TEC: variants seen among roughly 807,000 people sequenced by gnomAD.
The protein encoded by TEC is tyrosine-protein kinase Tec.
Under a neutral mutation model 93.0 loss-of-function variants are expected in TEC, and 72 were observed. The ratio of observed to expected loss-of-function variants is 0.77; its 90% CI spans 0.64 to 0.94. The LOEUF is 0.94. TEC is among the 40% of genes least tolerant of loss of function. The probability of loss-of-function intolerance (pLI) is 0.00; values close to 1 mark genes in which losing one functional copy is unlikely to be tolerated. For synonymous variants in TEC, 249 were observed against 247.7 expected, an observed-to-expected ratio of 1.01 and a Z score of -0.05; for missense variants, 630 against 757.9, an observed-to-expected ratio of 0.83 and a Z score of 1.98.
intron 2 of TEC, among the ~76,000 whole-genome samples, chr4:48,188,487 T>C (rs541690426): frequency 6.6e-6 from 1 of 152,288 alleles, no homozygotes; most frequent in East Asian, 1.9e-4. Flanking sequence ...TTTTCCATGC[T>C]CACTGCCAAC....
intron 8 of TEC, among the ~76,000 whole-genome samples, chr4:48,162,726 T>C (rs1170330716): frequency 2.6e-5 from 4 of 152,220 alleles, no homozygotes; most frequent in Admixed American, 1.3e-4. Flanking sequence ...GGTACACTTA[T>C]GGTATAGCAA....
At chr4:48,167,272 T>C (rs755595325) in intron 7 of TEC, among the ~76,000 whole-genome samples, 20 of 151,992 alleles carry the variant, frequency 1.3e-4, no homozygotes, top group Non-Finnish European at 2.2e-4. Context: ...TACACACATA[T>C]AGACACACAC....
chr4:48,256,039 C>CT (rs1724331668), intron 1 of TEC, among the ~76,000 whole-genome samples: 1 of 152,152 alleles, frequency 6.6e-6, no homozygotes, highest in Non-Finnish European at 1.5e-5. Context: ...CTATTGTGCA[C>CT]TAAGCACTGG....
At chr4:48,152,385 C>T (rs1043629281) in intron 9 of TEC, among the ~76,000 whole-genome samples, 1 of 151,864 alleles carries the variant, frequency 6.6e-6, no homozygotes, top group African/African-American at 2.4e-5. Flanking sequence ...TTGCAGTAAG[C>T]TGAGATCATA....
intron 2 of TEC, among the ~76,000 whole-genome samples, chr4:48,208,569 C>T (rs1201853073): frequency 6.6e-6 from 1 of 152,086 alleles, no homozygotes; most frequent in Non-Finnish European, 1.5e-5. Flanking sequence ...AGCAATAAAG[C>T]ATTTCCCACC....
At chr4:48,177,181 G>C (rs1721366008) in intron 2 of TEC, among the ~76,000 whole-genome samples, 1 of 152,132 alleles carries the variant, frequency 6.6e-6, no homozygotes, top group Admixed American at 6.5e-5. Context: ...AAATCTAAAA[G>C]AAGACAAAGC....
rs558675260 is a variant in TEC, at chr4:48,191,080, G to T, written c.139-14894C>A. On this transcript the variant is annotated intron_variant, in intron 2 of 17. Coordinates refer to ENST00000381501, the MANE Select transcript of TEC (RefSeq NM_003215.3). ...AGCTGTGCTTAAATGCCAGCTCTGT[G>T]GCCCCATGCAAATTAAATAACCTCT... 5.3e-4 allele frequency among the ~76,000 whole-genome samples: 81 copies of T among 152,256 alleles called. No homozygotes were observed. In the East Asian group the frequency reaches 0.015, roughly 28 times the overall value.
intron 9 of TEC, among the ~76,000 whole-genome samples, chr4:48,156,376 CAT>C (rs1039731043): frequency 5.9e-5 from 9 of 152,200 alleles, no homozygotes; most frequent in African/African-American, 2.2e-4. Flanking sequence ...TCCAGCTGCA[CAT>C]GTTTCACCCT....
At chr4:48,196,181 T>G (rs1722296264) in intron 2 of TEC, among the ~76,000 whole-genome samples, 1 of 152,126 alleles carries the variant, frequency 6.6e-6, no homozygotes, top group African/African-American at 2.4e-5. Context: ...GCATGCAAGT[T>G]AGTAGACTGA....
rs899332666 is a variant in TEC, at chr4:48,171,303, T to A, written c.325+65A>T. ...AATAGATACATTAGCTGTATTTCTG[T>A]CTTAATGATAACAATATTACATCTC... On this transcript the variant is annotated intron_variant, in intron 4 of 17. Transcript: ENST00000381501. The A allele has an allele frequency of 2.3e-6, 3 of 1,328,184 alleles. No homozygotes were observed. In the African/African-American group the frequency reaches 4.4e-5, roughly 19 times the overall value. 82.3% of individuals were successfully genotyped at this position (1,328,184 alleles called of 1,614,324 possible).
intron 1 of TEC, among the ~76,000 whole-genome samples, chr4:48,259,106 T>C (rs1299656607): frequency 6.6e-6 from 1 of 152,212 alleles, no homozygotes; most frequent in Non-Finnish European, 1.5e-5. Context: ...ATCTCCTTGT[T>C]CATGACTGTG....
chr4:48,249,281 G>C (rs147240563), intron 1 of TEC, among the ~76,000 whole-genome samples: 27 of 152,308 alleles, frequency 1.8e-4, no homozygotes, highest in Non-Finnish European at 2.4e-4. Flanking sequence ...CCTGGGCTGA[G>C]CTAAATAGGT....
intron 2 of TEC, 56 bp from the exon 3 acceptor site, chr4:48,176,242 A>C: frequency 2.9e-6 from 4 of 1,358,210 alleles, no homozygotes; most frequent in Non-Finnish European, 4.1e-6. Context: ...AAAAATTAAC[A>C]GTAATATTGT....
At chr4:48,196,841 TA>T (rs2109589406) in intron 2 of TEC, among the ~76,000 whole-genome samples, 1 of 152,342 alleles carries the variant, frequency 6.6e-6, no homozygotes, top group South Asian at 2.1e-4. Flanking sequence ...ATTCTGTTTT[TA>T]AAATGACGGT....
chr4:48,244,189 A>C (rs574808954), intron 1 of TEC, among the ~76,000 whole-genome samples: 1 of 152,328 alleles, frequency 6.6e-6, no homozygotes, highest in South Asian at 2.1e-4. Flanking sequence ...CCCCACACTC[A>C]ATCCACATAT....
intron 2 of TEC, among the ~76,000 whole-genome samples, chr4:48,199,451 C>CTTTTTTTTTTTT (rs1560404992): frequency 1.3e-5 from 1 of 74,292 alleles, no homozygotes; most frequent in Non-Finnish European, 2.8e-5. Flanking sequence ...AAAGGATTTT[C>CTTTTTTTTTTTT]TTTCTTTTTT....
intron 1 of TEC, among the ~76,000 whole-genome samples, chr4:48,233,802 T>C (rs2109646718): frequency 6.8e-6 from 1 of 147,244 alleles, no homozygotes; most frequent in African/African-American, 2.5e-5. Flanking sequence ...GAACATAAAA[T>C]TGAGAAACTC....
At chr4:48,191,943 G>T (rs899067624) in intron 2 of TEC, among the ~76,000 whole-genome samples, 1 of 152,162 alleles carries the variant, frequency 6.6e-6, no homozygotes, top group Non-Finnish European at 1.5e-5. Flanking sequence ...TAAAAGATAT[G>T]CAGGTGAAGT....
intron 2 of TEC, among the ~76,000 whole-genome samples, chr4:48,198,512 CA>C (rs1722380739): frequency 6.6e-6 from 1 of 152,230 alleles, no homozygotes; most frequent in Non-Finnish European, 1.5e-5. Context: ...AAAATAGCCC[CA>C]ACTCCTTTTC....
Sources: gnomAD v4.1 joint callset for allele counts (sites outside exome capture counted in the v4.1 genomes callset) on GRCh38, gnomAD v4.1.1 for gene constraint, MANE v1.5 for transcripts, NCBI Gene and HGNC (gene_info 2026-07-23, HGNC 2026-07-21) for gene names.